Variants in SATL1 observed in about 807,000 individuals in gnomAD.
SATL1 encodes spermidine/spermine N1-acetyl transferase like 1, also known as spermidine/spermine N(1)-acetyltransferase-like protein 1.
SATL1 carries 47 observed loss-of-function variants against 51.8 expected under a neutral mutation model. That is an observed-to-expected ratio of 0.91 (90% confidence interval 0.72 to 1.16). The LOEUF is 1.16. SATL1 is among the 50% of genes most tolerant of loss of function. SATL1 has a pLI of 0.00. For synonymous variants in SATL1, 176 were observed against 182.4 expected (o/e 0.97, Z 0.28); for missense variants, 520 against 526.4 (o/e 0.99, Z 0.12).
chrX:85,158,702 G>A (rs992316969), intron 2 of SATL1, among the ~76,000 whole-genome samples: 1 of 111,312 alleles, frequency 9.0e-6, no homozygotes, highest in African/African-American at 3.3e-5. Flanking sequence ...TACTGGTATG[G>A]CTTAACGAAC....
In SATL1 at chrX:85,092,738, T is replaced by G. The variant is rs949221919; in HGVS notation, c.1918-177A>C. The G allele has an allele frequency of 6.9e-6, 3 of 434,136 alleles. No individual in the cohort carries two copies. In the African/African-American group the frequency reaches 7.4e-5, roughly 11 times the overall value. 35.8% of individuals were successfully genotyped at this position (434,136 alleles called of 1,213,427 possible). ...TGTAAAAAGAAAAAAGTCTCACTGT[T>G]CTGAGCTTTAAAGCCCTCTTTAAAA... On this transcript the variant is annotated intron_variant, in intron 7 of 7. Transcript: ENST00000644105.
At chrX:85,155,567 G>T (rs1406199634) in intron 2 of SATL1, among the ~76,000 whole-genome samples, 1 of 111,643 alleles carries the variant, frequency 9.0e-6, no homozygotes, top group Non-Finnish European at 1.9e-5. Flanking sequence ...ATGCTTTTTG[G>T]GTAAATAATT....
At chrX:85,182,148 T>C (rs747015932) in intron 2 of SATL1, among the ~76,000 whole-genome samples, 9 of 111,460 alleles carry the variant, frequency 8.1e-5, no homozygotes, top group Non-Finnish European at 1.3e-4. Context: ...TGTTGTTAAC[T>C]ATAGTCATCC....
intron 2 of SATL1, among the ~76,000 whole-genome samples, chrX:85,198,755 T>C (rs1419015789): frequency 9.0e-6 from 1 of 111,265 alleles, no homozygotes; most frequent in African/African-American, 3.3e-5. Context: ...AACAATTCAA[T>C]AATACTCTTT....
intron 2 of SATL1, among the ~76,000 whole-genome samples, chrX:85,133,533 C>T (rs1306780073): frequency 5.3e-5 from 6 of 112,275 alleles, no homozygotes; most frequent in Admixed American, 3.7e-4. Flanking sequence ...TGGCAGTGTC[C>T]TGATTTTCCC....
Position 85,199,154 on chromosome X carries a change from C to T in SATL1, c.-313+25051G>A, listed in dbSNP as rs905695363. Among the ~76,000 whole-genome samples the T allele has an allele frequency of 2.2e-4, 24 of 110,562 alleles. 1 individual carries two copies. Among genetic ancestry groups the T allele is most frequent in the Admixed American group, 2.1e-3 (22 of 10,270 alleles). On this transcript the variant is annotated intron_variant, in intron 2 of 7. Transcript: ENST00000644105. The stretch of plus-strand genomic sequence containing the variant: ...TTTCTATATTTTTGTACCCATTAAC[C>T]ATCCCTACCTCCCCACACTCCCCCC...
chrX:85,130,227 G>A (rs56273602), intron 2 of SATL1, among the ~76,000 whole-genome samples: 11,955 of 111,289 alleles, frequency 0.11, 559 homozygotes, highest in South Asian at 0.22. Context: ...AATGGTGCCA[G>A]CTCCTCTTTG....
intron 2 of SATL1, chrX:85,207,551 C>T (rs1927814182): frequency 9.0e-6 from 1 of 111,668 alleles, no homozygotes; most frequent in Non-Finnish European, 1.9e-5. Flanking sequence ...GCTCACTTTC[C>T]TACACTTATG....
At chrX:85,163,002 C>CCT (rs1926756291) in intron 2 of SATL1, among the ~76,000 whole-genome samples, 1 of 96,547 alleles carries the variant, frequency 1.0e-5, no homozygotes. Flanking sequence ...CTGTAGTTTT[C>CCT]TTTTTTTTTT....
intron 1 of SATL1, among the ~76,000 whole-genome samples, chrX:85,233,438 A>G (rs1252047244): frequency 8.9e-6 from 1 of 112,358 alleles, no homozygotes; most frequent in East Asian, 2.8e-4. Context: ...AACAAACTAA[A>G]TAAGGCACGA....
chrX:85,173,958 T>C (rs1409635169), intron 2 of SATL1, among the ~76,000 whole-genome samples: 1 of 89,055 alleles, frequency 1.1e-5, no homozygotes, highest in Non-Finnish European at 2.2e-5. Flanking sequence ...GTGTGTGATG[T>C]TCCCCACCCT....
In SATL1 at chrX:85,232,239, C is replaced by A. The variant is rs768412765; in HGVS notation, c.-434-7913G>T. Among the ~76,000 whole-genome samples, 9 of 109,966 alleles carry A rather than the reference C, an allele frequency of 8.2e-5. No homozygotes were observed. The East Asian group carries it at 2.6e-3, about 32-fold the overall frequency. ...ACCCAGTCCTGGCAAGATGAATCAT[C>A]TGCTGAATAAACAGCGCTTGGGTCC... On this transcript the variant is annotated intron_variant, in intron 1 of 7. Coordinates refer to ENST00000644105, the MANE Select transcript of SATL1 (RefSeq NM_001367857.2).
At chrX:85,102,586 A>G (rs1048793917) in intron 4 of SATL1, among the ~76,000 whole-genome samples, 2 of 111,624 alleles carry the variant, frequency 1.8e-5, no homozygotes, top group Admixed American at 1.9e-4. Context: ...TTATGAAATT[A>G]CTGCAATTTA....
intron 2 of SATL1, among the ~76,000 whole-genome samples, chrX:85,118,840 C>T (rs1471536155): frequency 9.0e-6 from 1 of 111,133 alleles, no homozygotes; most frequent in East Asian, 2.8e-4. Flanking sequence ...ACAATGGATA[C>T]ATACTTCAAC....
intron 2 of SATL1, among the ~76,000 whole-genome samples, chrX:85,130,228 C>G (rs1480415846): frequency 9.0e-6 from 1 of 111,718 alleles, no homozygotes; most frequent in Non-Finnish European, 1.9e-5. Context: ...ATGGTGCCAG[C>G]TCCTCTTTGT....
intron 2 of SATL1, among the ~76,000 whole-genome samples, chrX:85,135,543 T>C (rs1198564343): frequency 9.3e-6 from 1 of 107,780 alleles, no homozygotes; most frequent in Non-Finnish European, 1.9e-5. Flanking sequence ...ATGCATTTGC[T>C]TTCATTAAAA....
intron 2 of SATL1, among the ~76,000 whole-genome samples, chrX:85,176,106 G>A (rs920841992): frequency 9.0e-6 from 1 of 111,463 alleles, no homozygotes; most frequent in Non-Finnish European, 1.9e-5. Context: ...TTTAAAATGG[G>A]CAAATTAGAT....
chrX:85,162,801 T>C (rs758584245), intron 2 of SATL1, among the ~76,000 whole-genome samples: 1 of 111,350 alleles, frequency 9.0e-6, no homozygotes, highest in South Asian at 3.7e-4. Flanking sequence ...GAGATGATCA[T>C]ATGATTTTTA....
intron 2 of SATL1, among the ~76,000 whole-genome samples, chrX:85,176,806 C>A (rs979557668): frequency 9.0e-6 from 1 of 111,026 alleles, no homozygotes; most frequent in African/African-American, 3.3e-5. Flanking sequence ...AGTACTCATT[C>A]AGAAATTTTT....
Sources: gnomAD v4.1 joint callset for allele counts (sites outside exome capture counted in the v4.1 genomes callset) on GRCh38, gnomAD v4.1.1 for gene constraint, MANE v1.5 for transcripts, NCBI Gene and HGNC (gene_info 2026-07-23, HGNC 2026-07-21) for gene names.